CCAR2: variants seen among roughly 807,000 people sequenced by gnomAD.
CCAR2 encodes the protein cell cycle and apoptosis regulator 2.
A neutral mutation model predicts 108.1 loss-of-function variants in CCAR2; 21 were observed. The ratio of observed to expected loss-of-function variants is 0.19; its 90% CI spans 0.14 to 0.28. CCAR2 has a LOEUF of 0.28. Ranked by LOEUF, CCAR2 falls within the 10% of genes least tolerant of loss-of-function variation. The pLI, the probability that CCAR2 is intolerant of heterozygous loss-of-function variation, is 1.00. For missense variants in CCAR2, 1,126 were observed against 1,177.0 expected, an observed-to-expected ratio of 0.96 and a Z score of 0.63; for synonymous variants, 577 against 472.8, an observed-to-expected ratio of 1.22 and a Z score of -2.86.
chr8:22,613,355 C>CTTTTTT (rs5890057), intron 8 of CCAR2, among the ~76,000 whole-genome samples: 1 of 125,856 alleles, frequency 7.9e-6, no homozygotes, highest in Non-Finnish European at 1.7e-5. Flanking sequence ...AGATCTAGTT[C>CTTTTTT]TTTTTTTTTT....
intron 10 of CCAR2, 70 bp downstream of exon 10, chr8:22,614,573 C>A (rs775731845): frequency 2.1e-6 from 3 of 1,400,272 alleles, no homozygotes; most frequent in Non-Finnish European, 3.0e-6. Context: ...TTTGAGTGTT[C>A]GGCTCCTGTT....
rs775799558 is a variant in CCAR2, at chr8:22,605,822, A to G, written c.49A>G (p.Asn17Asp). Residue 17 changes from asparagine to aspartate, a missense_variant, in exon 2 of 21, where the codon AAC becomes GAC. Physicochemically the swap from Asn to Asp is conservative, Grantham distance 23. Around this residue, in one of 4 missense-constraint regions of CCAR2, gnomAD observed 52 missense variants for 63.7 expected, o/e 0.82. Transcript: ENST00000308511. ...GATCAACCCGCTTCCAGGGGGACGCAACTTCTCAGGTGATCACTGTTCTCC... is the reference window on the plus strand; with the variant it reads ...GATCAACCCGCTTCCAGGGGGACGCGACTTCTCAGGTGATCACTGTTCTCC... ...QRINPLPGGR[N>D]FSGTASTSLL... The G allele has an allele frequency of 1.5e-5, 24 of 1,613,866 alleles. No homozygotes were observed. Among genetic ancestry groups the G allele is most frequent in the Non-Finnish European group, 8.5e-7 (1 of 1,179,948 alleles).
intron 8 of CCAR2, 98 bp downstream of exon 8, chr8:22,613,234 C>G: frequency 7.8e-7 from 1 of 1,276,344 alleles, no homozygotes; most frequent in Non-Finnish European, 1.0e-6. Flanking sequence ...TATGTTCTTA[C>G]AGCCTTTTCT....
At chr8:22,613,560 T>C (rs1391539831) in intron 8 of CCAR2, among the ~76,000 whole-genome samples, 1 of 152,212 alleles carries the variant, frequency 6.6e-6, no homozygotes, top group African/African-American at 2.4e-5. Flanking sequence ...CCATAGCTAT[T>C]GCCAGTTCTC....
Position 22,616,892 on chromosome 8 carries a change from TTTTTG to T in CCAR2, c.1846-527_1846-523del, listed in dbSNP as rs1200195045. Among the ~76,000 whole-genome samples the T allele has an allele frequency of 2.8e-4, 20 of 71,136 alleles. 1 individual carries two copies. Among genetic ancestry groups the T allele is most frequent in the African/African-American group, 4.4e-4 (5 of 11,426 alleles). 46.7% of individuals were successfully genotyped at this position (71,136 alleles called of 152,430 possible). A position where few individuals can be genotyped will look rare whatever the true frequency, so the allele number is the denominator to read the frequency against. On this transcript the variant is annotated intron_variant, in intron 14 of 20. Coordinates refer to ENST00000308511, the MANE Select transcript of CCAR2 (RefSeq NM_001393997.1). ...TTTTTTTTTTTTTTTTTTTTTTTTTTTTTTGGGGAGATGGAGTCTTGCTCTGTCAC... is the reference window on the plus strand; with the variant it reads ...TTTTTTTTTTTTTTTTTTTTTTTTTTGGGAGATGGAGTCTTGCTCTGTCAC...
Position 22,619,666 on chromosome 8 carries a change from C to T in CCAR2, c.2756C>T (p.Pro919Leu), listed in dbSNP as rs144622807. Residue 919 changes from proline (P) to leucine (L), a missense_variant, in exon 21 of 21, where the codon CCG becomes CTG. Coordinates refer to ENST00000308511, the MANE Select transcript of CCAR2 (RefSeq NM_001393997.1). ...GACAGCTGGGTGGAGAAGGAGGAGCCGGCACCTAGCAACTGACGGCCTCGC... is the reference window on the plus strand; with the variant it reads ...GACAGCTGGGTGGAGAAGGAGGAGCTGGCACCTAGCAACTGACGGCCTCGC... ...KADSWVEKEEPAPSN is the reference protein window; with the variant it reads ...KADSWVEKEELAPSN 3.9e-5 allele frequency: 61 copies of T among 1,575,028 alleles called. No homozygotes were observed. In the African/African-American group the frequency reaches 6.5e-4, roughly 17 times the overall value.
At chr8:22,617,998 TGA>T (rs1485740350) in intron 16 of CCAR2, among the ~76,000 whole-genome samples, 1 of 152,182 alleles carries the variant, frequency 6.6e-6, no homozygotes, top group African/African-American at 2.4e-5. Flanking sequence ...GATCCTCTCC[TGA>T]GAGAGGAGCA....
chr8:22,608,086 T>A, intron 7 of CCAR2, 21 bp downstream of exon 7: 1 of 1,579,130 alleles, frequency 6.3e-7, no homozygotes, highest in Non-Finnish European at 8.7e-7. Flanking sequence ...GATGTCCCTT[T>A]TTTTGGCCAC....
At chr8:22,613,696 G>A (rs1268536534) in intron 8 of CCAR2, among the ~76,000 whole-genome samples, 2 of 152,172 alleles carry the variant, frequency 1.3e-5, no homozygotes, top group Non-Finnish European at 2.9e-5. Flanking sequence ...ACATGATAAT[G>A]TGGTTTGCAT....
chr8:22,615,321 G>A, intron 11 of CCAR2, 104 bp from the exon 12 acceptor site: 3 of 1,361,786 alleles, frequency 2.2e-6, no homozygotes, highest in Non-Finnish European at 3.0e-6. Flanking sequence ...TTCGCAGTGT[G>A]TGCTCATTGA....
rs768872966 is a variant in CCAR2 at position 22,619,201 on chromosome 8, C to T, written c.2573C>T (p.Ala858Val). ...SATEVTNKTL[A>V]AEMQELRVRL... ...ACTGAAGTAACCAATAAGACGCTGG[C>T]GGCAGAGATGCAGGAGCTGCGAGTC... Residue 858 changes from alanine to valine, a missense_variant, in exon 20 of 21, where the codon GCG becomes GTG. This residue lies in a region of CCAR2 where 1,013 missense variants were observed against 993.9 expected (regional missense o/e 1.02). Transcript: ENST00000308511. The T allele has an allele frequency of 3.8e-5, 61 of 1,588,900 alleles. No individual in the cohort carries two copies. The highest frequency in any genetic ancestry group is 3.3e-4 in the Middle Eastern group (2 of 6,052).
downstream of CCAR2, chr8:22,621,064 T>G (rs1801781182): frequency 5.1e-6 from 1 of 196,906 alleles, no homozygotes; most frequent in East Asian, 1.3e-4. Context: ...GAGGTAGATT[T>G]GATGCCCACA....
Position 22,617,444 on chromosome 8 carries a change from C to G in CCAR2, c.1870C>G (p.Pro624Ala). 6.4e-7 allele frequency: 1 copy of G among 1,569,482 alleles called. No homozygotes were observed. Among genetic ancestry groups the G allele is most frequent in the Non-Finnish European group, 8.6e-7 (1 of 1,161,400 alleles). ...PLKEDGLLPK[P>A]LSSGGEEEEK... is the part of the protein sequence containing the mutation. ...GAAGGAGGATGGGCTTTTGCCCAAACCACTCTCTTCTGGGGGAGAGGAAGA... is the reference window on the plus strand; with the variant it reads ...GAAGGAGGATGGGCTTTTGCCCAAAGCACTCTCTTCTGGGGGAGAGGAAGA... The change falls in exon 15 of 21, where the codon CCA becomes GCA. Residue 624 changes from proline (P) to alanine (A), a missense_variant. Coordinates refer to ENST00000308511, the MANE Select transcript of CCAR2 (RefSeq NM_001393997.1).
intron 6 of CCAR2, among the ~76,000 whole-genome samples, 183 bp from the exon 7 acceptor site, chr8:22,607,786 G>A (rs1420670584): frequency 2.0e-5 from 3 of 152,076 alleles, no homozygotes; most frequent in South Asian, 2.1e-4. Context: ...CACCATGCCC[G>A]GCTGATTTTT....
At chr8:22,614,019 CA>C in intron 8 of CCAR2, 72 bp from the exon 9 acceptor site, 2 of 1,432,116 alleles carry the variant, frequency 1.4e-6, no homozygotes, top group East Asian at 4.6e-5. Context: ...CCCATTTTTT[CA>C]AATCTTTGAT....
At chr8:22,613,244 T>G in intron 8 of CCAR2, 108 bp downstream of exon 8, 1 of 1,231,794 alleles carries the variant, frequency 8.1e-7, no homozygotes, top group Non-Finnish European at 1.1e-6. Flanking sequence ...CAGCCTTTTC[T>G]TACAAAACGA....
chr8:22,611,076 G>A (rs573374408), intron 7 of CCAR2, among the ~76,000 whole-genome samples: 4 of 151,470 alleles, frequency 2.6e-5, no homozygotes, highest in Non-Finnish European at 5.9e-5. Flanking sequence ...ATATAAATAC[G>A]TAGGCCAGGC....
intron 14 of CCAR2, 27 bp downstream of exon 14, chr8:22,616,275 CAT>C: frequency 6.2e-7 from 1 of 1,603,214 alleles, no homozygotes; most frequent in Non-Finnish European, 8.5e-7. Context: ...CTCGGGCTGT[CAT>C]AGTGCTTACC....
intron 8 of CCAR2, 105 bp from the exon 9 acceptor site, chr8:22,613,987 T>C: frequency 1.0e-6 from 1 of 993,360 alleles, no homozygotes; most frequent in Non-Finnish European, 1.5e-6. Flanking sequence ...CTTCAAAAGT[T>C]CTCAGACTGA....
Sources: allele counts gnomAD v4.1 joint callset (sites outside exome capture counted in the v4.1 genomes callset), GRCh38; gene constraint gnomAD v4.1.1; regional missense constraint gnomAD v4.1.1; transcripts MANE v1.5; gene names NCBI Gene and HGNC (gene_info 2026-07-23, HGNC 2026-07-21).